Variants in PRPF31 observed in about 807,000 individuals in gnomAD.
The protein encoded by PRPF31 is U4/U6 small nuclear ribonucleoprotein Prp31.
A neutral mutation model predicts 60.4 loss-of-function variants in PRPF31; 12 were observed. The ratio of observed to expected loss-of-function variants is 0.20; its 90% CI spans 0.13 to 0.32. The LOEUF (loss-of-function observed/expected upper bound fraction) is 0.32, where lower values mean the gene tolerates loss of function less well. PRPF31 is among the 10% of genes least tolerant of loss of function. PRPF31 has a pLI of 1.00. For missense variants in PRPF31, 431 were observed against 687.1 expected, an observed-to-expected ratio of 0.63 and a Z score of 4.17; for synonymous variants, 287 against 287.9, an observed-to-expected ratio of 1.00 and a Z score of 0.03.
At chr19:54,129,249 C>T (rs2073997776) in intron 12 of PRPF31, 23 bp from the exon 13 acceptor site, 1 of 1,608,124 alleles carries the variant, frequency 6.2e-7, no homozygotes, top group East Asian at 2.2e-5. Flanking sequence ...GCCCAGATCG[C>T]AGCCTCCCTG....
In PRPF31 at chr19:54,121,821, G is replaced by A. The variant is rs980679744; in HGVS notation, c.239-39G>A. The A allele has an allele frequency of 3.8e-6, 6 of 1,572,810 alleles. No homozygotes were observed. The Admixed American group carries it at 7.3e-5, about 19-fold the overall frequency. Reference sequence around the variant, plus strand: ...GCTGCGGGACCCGAGAGGGGGTAGGGATTTAGATACTCACACCCATGCCTC... The same window carrying A: ...GCTGCGGGACCCGAGAGGGGGTAGGAATTTAGATACTCACACCCATGCCTC... On this transcript the variant is annotated intron_variant, in intron 3 of 13. Coordinates refer to ENST00000321030, the MANE Select transcript of PRPF31 (RefSeq NM_015629.4).
At chr19:54,127,955 GGCA>G (rs1294177368) in intron 9 of PRPF31, 115 bp from the exon 10 acceptor site, 1 of 1,373,374 alleles carries the variant, frequency 7.3e-7, no homozygotes, top group Non-Finnish European at 1.0e-6. Flanking sequence ...GTGGCGGTGA[GGCA>G]GCATTAGGTG....
At chr19:54,124,192 A>G in intron 7 of PRPF31, 1 of 699,672 alleles carries the variant, frequency 1.4e-6, no homozygotes, top group Non-Finnish European at 2.3e-6. Flanking sequence ...TTTGGTGAAA[A>G]TGGTTCCAAA....
chr19:54,130,354 G>A (rs890924834), intron 13 of PRPF31, among the ~76,000 whole-genome samples: 1 of 152,248 alleles, frequency 6.6e-6, no homozygotes, highest in African/African-American at 2.4e-5. Flanking sequence ...GGCCGGGCGC[G>A]GTGGCTCACG....
rs869312187 is a variant in PRPF31, at chr19:54,128,351, C to A, written c.1120C>A (p.Gln374Lys). 6.5e-7 allele frequency: 1 copy of A among 1,546,102 alleles called. No homozygotes were observed. Residue 374 changes from glutamine to lysine, a missense_variant, in exon 11 of 14, where the codon CAG becomes AAG. Physicochemically the swap from Gln to Lys is moderately conservative, Grantham distance 53 (BLOSUM62 1). Transcript: ENST00000321030. ...GCTGGGGCTGACGGAGATCCGGAAG[C>A]AGGCCAACCGTATGAGCTTCGGAGA... ...ERLGLTEIRKQANRMSFGEIE... is the reference protein window; with the variant it reads ...ERLGLTEIRKKANRMSFGEIE...
chr19:54,126,288 T>G (rs963480917), intron 8 of PRPF31, among the ~76,000 whole-genome samples: 1 of 152,206 alleles, frequency 6.6e-6, no homozygotes, highest in African/African-American at 2.4e-5. Context: ...GTTGTCAGCG[T>G]GCCTTACTGT....
chr19:54,123,295 G>T lies in PRPF31; in HGVS notation c.421-159G>T. ...TTGACGTGGTGGAGGCAGGAATGGT[G>T]TGGATGCTTCAGGCGGTGGAGGCAG... On this transcript the variant is annotated intron_variant, in intron 5 of 13. Transcript: ENST00000321030. 5 of 702,918 alleles carry T rather than the reference G, an allele frequency of 7.1e-6. No individual in the cohort carries two copies. In the South Asian group the frequency reaches 7.5e-5, roughly 11 times the overall value. 43.5% of individuals were successfully genotyped at this position (702,918 alleles called of 1,614,324 possible).
rs749209584 is a variant in PRPF31 at position 54,123,483 on chromosome 19, G to A, written c.450G>A (p.Lys150=). 33 of 1,614,184 alleles carry A rather than the reference G, an allele frequency of 2.0e-5. No homozygotes were observed. The highest frequency in any genetic ancestry group is 2.8e-5 in the Non-Finnish European group (33 of 1,180,018). ...TGGGCAACAGCCTGGACAAGTGCAA[G>A]AACAATGAGAACCTGCAGCAGATCC... ...KELGNSLDKC[K]NNENLQQILT... The change falls in exon 6 of 14, where the codon AAG becomes AAA. Residue 150 remains lysine (K), a synonymous_variant. Coordinates refer to ENST00000321030, the MANE Select transcript of PRPF31 (RefSeq NM_015629.4).
At position 54,131,481 on chromosome 19, in the gene PRPF31, C is replaced by G. The variant is rs373494282; in HGVS notation, c.*49C>G. On this transcript the variant is annotated 3_prime_UTR_variant, in exon 14 of 14. Transcript: ENST00000321030. Reference sequence around the variant, plus strand: ...CTTCCCACTGAAGGGACACAGAGGTCCAGTCCTTCTGAAGGGCTAGGATCG... The same window carrying G: ...CTTCCCACTGAAGGGACACAGAGGTGCAGTCCTTCTGAAGGGCTAGGATCG... The G allele has an allele frequency of 7.8e-5, 125 of 1,609,558 alleles. No individual in the cohort carries two copies. The highest frequency in any genetic ancestry group is 1.0e-4 in the Non-Finnish European group (122 of 1,177,754).
chr19:54,121,561 G>T (rs967796417), intron 3 of PRPF31, among the ~76,000 whole-genome samples: 2 of 152,176 alleles, frequency 1.3e-5, no homozygotes, highest in African/African-American at 4.8e-5. Flanking sequence ...AGTTGGGGAG[G>T]CCCTGAATGT....
intron 3 of PRPF31, among the ~76,000 whole-genome samples, chr19:54,121,586 G>A (rs879958477): frequency 2.0e-5 from 3 of 152,166 alleles, no homozygotes; most frequent in Non-Finnish European, 4.4e-5. Flanking sequence ...CTGAGGACTC[G>A]GTCATTAGCC....
At chr19:54,118,779 C>T in intron 3 of PRPF31, 146 bp downstream of exon 3, 1 of 723,718 alleles carries the variant, frequency 1.4e-6, no homozygotes, top group East Asian at 2.6e-5. Flanking sequence ...AACCCGTTCC[C>T]TTTTCCACTA....
Position 54,126,619 on chromosome 19 carries a change from TGAG to T in PRPF31, c.945+7_945+9del, listed in dbSNP as rs753888372. On this transcript the variant is annotated splice_donor_5th_base_variant and intron_variant, in intron 9 of 13. Transcript: ENST00000321030. ...TTCCACGAGAGCACAGAAGGGAAGG[TGAG>T]GAGGGAAAGGTGAGGGGCGGCCGGG... The T allele has an allele frequency of 6.2e-7, 1 of 1,612,616 alleles. No individual in the cohort carries two copies. The highest frequency in any genetic ancestry group is 1.1e-5 in the South Asian group (1 of 90,924).
chr19:54,118,685 C>A (rs1353700569), intron 3 of PRPF31, 52 bp downstream of exon 3: 18 of 1,556,744 alleles, frequency 1.2e-5, no homozygotes, highest in Non-Finnish European at 1.6e-5. Context: ...TCCTGCCAGG[C>A]CCCCTGGCTC....
At chr19:54,122,364 T>C (rs1194122764) in intron 4 of PRPF31, 133 bp from the exon 5 acceptor site, 2 of 790,844 alleles carry the variant, frequency 2.5e-6, no homozygotes, top group East Asian at 4.8e-5. Flanking sequence ...AAAGGCTGTA[T>C]GCTGGTGCCC....
At chr19:54,122,172 C>T in intron 4 of PRPF31, 1 of 639,442 alleles carries the variant, frequency 1.6e-6, no homozygotes, top group African/African-American at 1.8e-5. Context: ...GGCCCCGGCT[C>T]TTTCCATCCT....
Position 54,128,195 on chromosome 19 carries a change from C to T in PRPF31, c.1068C>T (p.Gly356=). The change falls in exon 10 of 14, where the codon GGC becomes GGT. Residue 356 remains glycine, a synonymous_variant. Transcript: ENST00000321030. ...PLDGQRKKRG[G]RRYRKMKERL... is the part of the protein sequence containing the mutation. ...ATGGACAGCGGAAGAAGCGAGGCGGCCGCAGGTGAGGGGCCCTGGGGGTCC... is the reference window on the plus strand; with the variant it reads ...ATGGACAGCGGAAGAAGCGAGGCGGTCGCAGGTGAGGGGCCCTGGGGGTCC... 2 of 1,570,928 alleles carry T rather than the reference C, an allele frequency of 1.3e-6. No homozygotes were observed. Among genetic ancestry groups the T allele is most frequent in the Non-Finnish European group, 1.7e-6 (2 of 1,160,332 alleles).
chr19:54,128,740 C>T (rs1389369873), intron 11 of PRPF31, among the ~76,000 whole-genome samples: 1 of 152,152 alleles, frequency 6.6e-6, no homozygotes, highest in Non-Finnish European at 1.5e-5. Flanking sequence ...CCTGCAGGAC[C>T]GAACTCAGAG....
intron 1 of PRPF31, among the ~76,000 whole-genome samples, chr19:54,116,290 C>T (rs1360564270): frequency 1.3e-5 from 2 of 151,784 alleles, no homozygotes; most frequent in African/African-American, 4.8e-5. Context: ...CTGCAACCTC[C>T]GCCTCCCGGA....
Sources: allele counts gnomAD v4.1 joint callset (sites outside exome capture counted in the v4.1 genomes callset), GRCh38; gene constraint gnomAD v4.1.1; transcripts MANE v1.5; gene names NCBI Gene and HGNC (gene_info 2026-07-23, HGNC 2026-07-21).